PPP2R2B: variants seen among roughly 807,000 people sequenced by gnomAD.
PPP2R2B encodes the protein protein phosphatase 2 regulatory subunit Bbeta, also known as serine/threonine-protein phosphatase 2A 55 kDa regulatory subunit B beta isoform.
In PPP2R2B, 5 loss-of-function variants were observed where a neutral mutation model predicts 46.0. That is an observed-to-expected ratio of 0.11 (90% confidence interval 0.06 to 0.23). PPP2R2B has a LOEUF of 0.23. Ranked by LOEUF, PPP2R2B falls within the 10% of genes least tolerant of loss-of-function variation. The pLI is 1.00. For synonymous variants in PPP2R2B, 215 were observed against 206.7 expected (o/e 1.04, Z -0.34); for missense variants, 367 against 575.0 (o/e 0.64, Z 3.70).
chr5:146,927,076 G>A (rs1173795108), intron 1 of PPP2R2B, among the ~76,000 whole-genome samples: 3 of 152,184 alleles, frequency 2.0e-5, no homozygotes, highest in Non-Finnish European at 4.4e-5. Context: ...CTGGGTTGAG[G>A]TGGATGAGAG....
chr5:146,684,893 C>T (rs1458354842), intron 5 of PPP2R2B, among the ~76,000 whole-genome samples: 1 of 152,104 alleles, frequency 6.6e-6, no homozygotes. Flanking sequence ...TCCCTAGTGA[C>T]GAGGCCAGAA....
At chr5:146,987,273 G>A (rs1433801782) in intron 1 of PPP2R2B, among the ~76,000 whole-genome samples, 3 of 151,944 alleles carry the variant, frequency 2.0e-5, no homozygotes, top group Non-Finnish European at 4.4e-5. Flanking sequence ...TCAATCTGAA[G>A]GAAAAAGACA....
intron 5 of PPP2R2B, among the ~76,000 whole-genome samples, chr5:146,683,431 A>G (rs1256740882): frequency 1.3e-5 from 2 of 152,226 alleles, no homozygotes; most frequent in Non-Finnish European, 2.9e-5. Flanking sequence ...GTCTAACCTA[A>G]GGCAAGTTCC....
At chr5:146,999,381 C>G (rs1016081838) in intron 1 of PPP2R2B, among the ~76,000 whole-genome samples, 2 of 152,174 alleles carry the variant, frequency 1.3e-5, no homozygotes, top group African/African-American at 4.8e-5. Flanking sequence ...CCCACATTTG[C>G]CAGCCCCATC....
At chr5:146,666,098 A>G (rs889466936) in intron 5 of PPP2R2B, among the ~76,000 whole-genome samples, 3 of 152,236 alleles carry the variant, frequency 2.0e-5, no homozygotes, top group African/African-American at 7.2e-5. Context: ...ATATCTATCA[A>G]TGGAGAAATG....
intron 2 of PPP2R2B, among the ~76,000 whole-genome samples, chr5:146,803,024 A>T (rs947647409): frequency 1.3e-5 from 2 of 152,192 alleles, no homozygotes; most frequent in Non-Finnish European, 2.9e-5. Context: ...AGAAAGCAGG[A>T]TACACAGGGA....
At chr5:146,769,782 G>A (rs1754725650) in intron 2 of PPP2R2B, among the ~76,000 whole-genome samples, 1 of 152,094 alleles carries the variant, frequency 6.6e-6, no homozygotes, top group Admixed American at 6.5e-5. Context: ...TGTTCTGAAA[G>A]AACTTATAGA....
intron 1 of PPP2R2B, among the ~76,000 whole-genome samples, chr5:146,931,162 A>G (rs570261092): frequency 6.6e-6 from 1 of 152,124 alleles, no homozygotes; most frequent in African/African-American, 2.4e-5. Flanking sequence ...AGAAAGTGAT[A>G]TCTCTGTAAC....
At chr5:146,867,352 A>C (rs2072047686) in intron 2 of PPP2R2B, among the ~76,000 whole-genome samples, 1 of 152,216 alleles carries the variant, frequency 6.6e-6, no homozygotes, top group African/African-American at 2.4e-5. Context: ...CCATACTCAA[A>C]GGTAAGGTCT....
intron 1 of PPP2R2B, among the ~76,000 whole-genome samples, chr5:147,028,017 C>T (rs1170251129): frequency 6.6e-6 from 1 of 152,124 alleles, no homozygotes; most frequent in East Asian, 1.9e-4. Context: ...AGATGAGACC[C>T]TTGAAGTTGA....
intron 2 of PPP2R2B, among the ~76,000 whole-genome samples, chr5:146,711,009 T>C (rs1359322352): frequency 3.9e-5 from 6 of 152,236 alleles, no homozygotes. Flanking sequence ...CTGTGTGACT[T>C]CTTTTAAGCC....
At chr5:146,765,107 C>A (rs953345398) in intron 2 of PPP2R2B, among the ~76,000 whole-genome samples, 3 of 152,050 alleles carry the variant, frequency 2.0e-5, no homozygotes, top group Non-Finnish European at 4.4e-5. Flanking sequence ...TTTTAAGTTC[C>A]AAATCAGTGA....
chr5:146,639,375 A>AT, intron 6 of PPP2R2B, among the ~76,000 whole-genome samples: 1 of 151,920 alleles, frequency 6.6e-6, no homozygotes, highest in Non-Finnish European at 1.5e-5. Context: ...TTATACCTCT[A>AT]TTTTTTAAAG....
chr5:146,596,084 A>T (rs991130805), intron 8 of PPP2R2B, among the ~76,000 whole-genome samples: 3 of 152,208 alleles, frequency 2.0e-5, no homozygotes, highest in African/African-American at 7.2e-5. Flanking sequence ...ACAGCTACTC[A>T]ACTCTGCCAT....
chr5:146,934,672 G>A (rs972969741), intron 1 of PPP2R2B, among the ~76,000 whole-genome samples: 4 of 150,094 alleles, frequency 2.7e-5, no homozygotes, highest in South Asian at 4.2e-4. Context: ...AGCTTTTCTA[G>A]GTTTAGCTGT....
chr5:146,831,130 T>C (rs544185708), intron 2 of PPP2R2B, among the ~76,000 whole-genome samples: 1 of 152,270 alleles, frequency 6.6e-6, no homozygotes, highest in African/African-American at 2.4e-5. Context: ...ACTCGTTATG[T>C]ATACTATACT....
rs146922601 is a variant in PPP2R2B at position 146,971,743 on chromosome 5, A to G, written c.79+83922T>C. On this transcript the variant is annotated intron_variant, in intron 1 of 8. Transcript: ENST00000336640. ...TGTTTTCCTACAGCATTTCCAACAT[A>G]TTAGGTTATCAAACTTTTTATGTTT... Among the ~76,000 whole-genome samples, 91 of 152,354 alleles carry G rather than the reference A, an allele frequency of 6.0e-4. 1 individual carries two copies. The highest frequency in any genetic ancestry group is 2.0e-3 in the African/African-American group (84 of 41,590).
chr5:147,045,490 CTG>C (rs779772427), intron 1 of PPP2R2B, among the ~76,000 whole-genome samples: 4 of 152,080 alleles, frequency 2.6e-5, no homozygotes, highest in Non-Finnish European at 5.9e-5. Context: ...TAAGCACAGA[CTG>C]TGTTTCCCCA....
chr5:146,960,075 T>A (rs1044546844), intron 1 of PPP2R2B, among the ~76,000 whole-genome samples: 2 of 152,126 alleles, frequency 1.3e-5, no homozygotes. Context: ...GATGGCTGTG[T>A]TAGATAATAC....
Sources: gnomAD v4.1 joint callset for allele counts (sites outside exome capture counted in the v4.1 genomes callset) on GRCh38, gnomAD v4.1.1 for gene constraint, MANE v1.5 for transcripts, NCBI Gene and HGNC (gene_info 2026-07-23, HGNC 2026-07-21) for gene names.